Variants in ST6GALNAC3 observed in about 807,000 individuals in gnomAD.
ST6GALNAC3 encodes the protein alpha-N-acetylgalactosaminide alpha-2,6-sialyltransferase 3.
A neutral mutation model predicts 32.7 loss-of-function variants in ST6GALNAC3; 25 were observed. The ratio of observed to expected loss-of-function variants is 0.76; its 90% CI spans 0.56 to 1.07. ST6GALNAC3 has a LOEUF of 1.07. Ranked by LOEUF, ST6GALNAC3 falls within the 50% of genes least tolerant of loss-of-function variation. The pLI is 0.00. For missense variants in ST6GALNAC3, 355 were observed against 382.4 expected (o/e 0.93, Z 0.60); for synonymous variants, 129 against 133.1 (o/e 0.97, Z 0.21).
intron 1 of ST6GALNAC3, among the ~76,000 whole-genome samples, chr1:76,294,608 T>C (rs1660286884): frequency 6.6e-6 from 1 of 152,060 alleles, no homozygotes; most frequent in Admixed American, 6.6e-5. Flanking sequence ...GCGGGTTTCA[T>C]CTACAATGCT....
chr1:76,516,152 T>C (rs1437429519), intron 3 of ST6GALNAC3, among the ~76,000 whole-genome samples: 10 of 152,212 alleles, frequency 6.6e-5, no homozygotes, highest in Admixed American at 6.5e-4. Flanking sequence ...CTTTCTCCAG[T>C]AATGTAGGGC....
intron 1 of ST6GALNAC3, among the ~76,000 whole-genome samples, chr1:76,300,575 G>GCCTCT (rs1660669488): frequency 6.6e-6 from 1 of 151,904 alleles, no homozygotes; most frequent in Non-Finnish European, 1.5e-5. Flanking sequence ...TGCTGCCTAA[G>GCCTCT]GACAGCTAAG....
At chr1:76,520,636 A>G (rs1372670910) in intron 3 of ST6GALNAC3, among the ~76,000 whole-genome samples, 1 of 152,082 alleles carries the variant, frequency 6.6e-6, no homozygotes, top group Admixed American at 6.5e-5. Context: ...TGCATGGCTT[A>G]TAGATTTCAG....
intron 1 of ST6GALNAC3, among the ~76,000 whole-genome samples, chr1:76,297,807 C>T (rs1447689122): frequency 6.6e-6 from 1 of 151,984 alleles, no homozygotes; most frequent in Non-Finnish European, 1.5e-5. Flanking sequence ...ATAATTTGTA[C>T]TGTATCTGTT....
At chr1:76,099,871 G>A (rs952461406) in intron 1 of ST6GALNAC3, among the ~76,000 whole-genome samples, 1 of 152,054 alleles carries the variant, frequency 6.6e-6, no homozygotes, top group African/African-American at 2.4e-5. Context: ...TACAAATTGA[G>A]TCTTCCAACC....
intron 3 of ST6GALNAC3, among the ~76,000 whole-genome samples, chr1:76,625,407 G>A (rs1385664451): frequency 4.6e-5 from 7 of 151,732 alleles, no homozygotes; most frequent in Admixed American, 6.6e-5. Flanking sequence ...CTCTATGAGT[G>A]CTTGGTCAGC....
At chr1:76,572,219 T>A (rs971509358) in intron 3 of ST6GALNAC3, among the ~76,000 whole-genome samples, 1 of 152,034 alleles carries the variant, frequency 6.6e-6, no homozygotes. Context: ...ATCCTAGTAA[T>A]ATCACAGCAT....
chr1:76,159,436 G>T (rs1490504005), intron 1 of ST6GALNAC3, among the ~76,000 whole-genome samples: 1 of 152,122 alleles, frequency 6.6e-6, no homozygotes, highest in Admixed American at 6.5e-5. Flanking sequence ...TGCCTGCCTC[G>T]GCTTTCCAAA....
At chr1:76,184,518 A>AGCGCGC (rs1229767694) in intron 1 of ST6GALNAC3, among the ~76,000 whole-genome samples, 64 of 68,934 alleles carry the variant, frequency 9.3e-4, no homozygotes, top group African/African-American at 2.6e-3. Flanking sequence ...CCTCCTGGGC[A>AGCGCGC]GCACACACAC....
At chr1:76,317,081 G>A (rs952674377) in intron 2 of ST6GALNAC3, among the ~76,000 whole-genome samples, 1 of 152,124 alleles carries the variant, frequency 6.6e-6, no homozygotes, top group African/African-American at 2.4e-5. Flanking sequence ...TTGCATGAAA[G>A]TTGAAAACAT....
chr1:76,358,297 C>T (rs1467903990), intron 2 of ST6GALNAC3, among the ~76,000 whole-genome samples: 1 of 152,182 alleles, frequency 6.6e-6, no homozygotes, highest in East Asian at 1.9e-4. Context: ...CTTCCAACTA[C>T]CAACTCAACA....
chr1:76,213,765 G>C (rs1178185560), intron 1 of ST6GALNAC3, among the ~76,000 whole-genome samples: 1 of 152,124 alleles, frequency 6.6e-6, no homozygotes, highest in East Asian at 1.9e-4. Context: ...CCTTGCCTGG[G>C]CATAACCCAG....
At chr1:76,393,168 C>T (rs555603311) in intron 2 of ST6GALNAC3, among the ~76,000 whole-genome samples, 1 of 152,144 alleles carries the variant, frequency 6.6e-6, no homozygotes, top group East Asian at 1.9e-4. Flanking sequence ...TTAAAGTAAA[C>T]TATTCTTTAT....
chr1:76,147,572 A>G (rs72674451), intron 1 of ST6GALNAC3, among the ~76,000 whole-genome samples: 54 of 152,102 alleles, frequency 3.6e-4, no homozygotes, highest in Non-Finnish European at 4.0e-4. Flanking sequence ...ACCCCTCCCA[A>G]TATTCTATAC....
intron 3 of ST6GALNAC3, among the ~76,000 whole-genome samples, chr1:76,566,671 C>T (rs989801841): frequency 4.6e-5 from 7 of 152,188 alleles, no homozygotes; most frequent in African/African-American, 1.4e-4. Context: ...TGAACCACCC[C>T]AGATAAAATA....
At chr1:76,504,534 T>G (rs1281522956) in intron 3 of ST6GALNAC3, among the ~76,000 whole-genome samples, 1 of 152,102 alleles carries the variant, frequency 6.6e-6, no homozygotes, top group Non-Finnish European at 1.5e-5. Context: ...CAATATCTAG[T>G]GTGAAGAATT....
chr1:76,494,653 A>G lies in ST6GALNAC3; in HGVS notation c.623+82236A>G, dbSNP rs1181435350. ...AAATATATTTCATGTGTATGCGCAC[A>G]CACACACACACACACACACACACAC... is the stretch of plus-strand genomic sequence containing the variant. On this transcript the variant is annotated intron_variant, in intron 3 of 4. Transcript: ENST00000328299. 1.2e-4 allele frequency among the ~76,000 whole-genome samples: 17 copies of G among 142,456 alleles called. 1 individual carries two copies. The highest frequency in any genetic ancestry group is 3.2e-4 in the African/African-American group (12 of 37,270). 93.5% of individuals were successfully genotyped at this position (142,456 alleles called of 152,430 possible). A position where few individuals can be genotyped will look rare whatever the true frequency, so the allele number is the denominator to read the frequency against.
chr1:76,169,462 CT>C (rs952407760), intron 1 of ST6GALNAC3, among the ~76,000 whole-genome samples: 3 of 152,146 alleles, frequency 2.0e-5, no homozygotes, highest in Admixed American at 2.0e-4. Context: ...AAGAATTTTA[CT>C]GGGGTTCTCT....
Position 76,364,678 on chromosome 1 carries a change from A to G in ST6GALNAC3, c.214-47330A>G, listed in dbSNP as rs574158820. On this transcript the variant is annotated intron_variant, in intron 2 of 4. Transcript: ENST00000328299. ...ATTAAAAAGCAGGCAAAAGACATGA[A>G]AAGACATTTCTCAAAAGAAGACATA... Among the ~76,000 whole-genome samples, 11 of 152,276 alleles carry G rather than the reference A, an allele frequency of 7.2e-5. No homozygotes were observed. The South Asian group carries it at 2.3e-3, about 32-fold the overall frequency.
Sources: allele counts gnomAD v4.1 joint callset (sites outside exome capture counted in the v4.1 genomes callset), GRCh38; gene constraint gnomAD v4.1.1; transcripts MANE v1.5; gene names NCBI Gene and HGNC (gene_info 2026-07-23, HGNC 2026-07-21).